The following FOXN3 variants were observed in gnomAD, a reference collection of about 807,000 sequenced individuals.
The protein encoded by FOXN3 is forkhead box N3.
A neutral mutation model predicts 38.4 loss-of-function variants in FOXN3; 7 were observed. That is an observed-to-expected ratio of 0.18 (90% CI 0.10 to 0.34). The LOEUF is 0.34. Ranked by LOEUF, FOXN3 falls within the 10% of genes least tolerant of loss-of-function variation. The pLI is 1.00. For missense variants in FOXN3, 456 were observed against 613.4 expected (o/e 0.74, Z 2.71); for synonymous variants, 230 against 242.2 (o/e 0.95, Z 0.47).
At chr14:89,204,226 T>A (rs1234502261) in intron 4 of FOXN3, among the ~76,000 whole-genome samples, 2 of 152,106 alleles carry the variant, frequency 1.3e-5, no homozygotes, top group Non-Finnish European at 2.9e-5. Context: ...TTGGGATACT[T>A]ATTCTGGCTT....
chr14:89,239,869 T>C (rs1233165389), intron 4 of FOXN3, among the ~76,000 whole-genome samples: 4 of 152,232 alleles, frequency 2.6e-5, no homozygotes, highest in African/African-American at 9.6e-5. Flanking sequence ...ATGAGGAGAC[T>C]GAGACCCAGA....
intron 2 of FOXN3, among the ~76,000 whole-genome samples, chr14:89,362,985 G>T (rs925486772): frequency 6.6e-6 from 1 of 152,110 alleles, no homozygotes; most frequent in Admixed American, 6.5e-5. Context: ...ACAAAGGCAG[G>T]GTCCGTTTCC....
At chr14:89,250,085 G>T (rs929106357) in intron 4 of FOXN3, among the ~76,000 whole-genome samples, 1 of 152,178 alleles carries the variant, frequency 6.6e-6, no homozygotes, top group Admixed American at 6.5e-5. Flanking sequence ...GAACCAATTT[G>T]ACTGAACATG....
intron 2 of FOXN3, among the ~76,000 whole-genome samples, chr14:89,374,255 C>A (rs1449533226): frequency 1.2e-5 from 1 of 83,996 alleles, no homozygotes; most frequent in African/African-American, 5.3e-5. Flanking sequence ...CAGAGTGAGA[C>A]CTTGTCTCAA....
At chr14:89,167,292 TTTTG>T (rs773281390) in intron 5 of FOXN3, among the ~76,000 whole-genome samples, 14 of 152,240 alleles carry the variant, frequency 9.2e-5, no homozygotes, top group South Asian at 2.1e-4. Flanking sequence ...ATCTGCCATT[TTTTG>T]TTTGTTTGTT....
intron 2 of FOXN3, among the ~76,000 whole-genome samples, chr14:89,364,955 G>GA (rs1890094150): frequency 6.6e-6 from 1 of 152,174 alleles, no homozygotes; most frequent in Non-Finnish European, 1.5e-5. Flanking sequence ...ATGGACGCAG[G>GA]AAAAATCAAT....
intron 1 of FOXN3, among the ~76,000 whole-genome samples, chr14:89,446,975 T>C (rs942828030): frequency 1.6e-4 from 24 of 152,160 alleles, no homozygotes; most frequent in Non-Finnish European, 3.2e-4. Context: ...GGCGGGTGGA[T>C]CACCTGAGGT....
intron 1 of FOXN3, among the ~76,000 whole-genome samples, chr14:89,448,283 CCA>C (rs1013734196): frequency 2.0e-5 from 3 of 152,116 alleles, no homozygotes; most frequent in African/African-American, 4.8e-5. Flanking sequence ...CGCCCCACGC[CCA>C]CACACACAGG....
intron 4 of FOXN3, among the ~76,000 whole-genome samples, chr14:89,251,500 C>A (rs1885455160): frequency 6.6e-6 from 1 of 152,160 alleles, no homozygotes; most frequent in Non-Finnish European, 1.5e-5. Flanking sequence ...ATATGTTAAC[C>A]AATCAAGAGC....
chr14:89,604,442 T>C (rs1896228674), intron 1 of FOXN3, among the ~76,000 whole-genome samples: 1 of 152,100 alleles, frequency 6.6e-6, no homozygotes, highest in African/African-American at 2.4e-5. Flanking sequence ...CTAGATCAGA[T>C]AGATTAGACA....
At chr14:89,363,967 T>TATA (rs1555421726) in intron 2 of FOXN3, among the ~76,000 whole-genome samples, 2 of 98,612 alleles carry the variant, frequency 2.0e-5, no homozygotes, top group Non-Finnish European at 4.0e-5. Context: ...TATATATATA[T>TATA]ATATATATAT....
chr14:89,170,857 C>T (rs1019854572), intron 5 of FOXN3, among the ~76,000 whole-genome samples: 2 of 151,714 alleles, frequency 1.3e-5, no homozygotes, highest in Non-Finnish European at 2.9e-5. Flanking sequence ...TATACCAAAA[C>T]CTATAGAATG....
chr14:89,448,909 A>T (rs936824334), intron 1 of FOXN3, among the ~76,000 whole-genome samples: 1 of 151,748 alleles, frequency 6.6e-6, no homozygotes, highest in Non-Finnish European at 1.5e-5. Context: ...GCACCACTGC[A>T]CTCCAGCCTG....
chr14:89,172,728 G>A (rs1319247109), intron 5 of FOXN3, among the ~76,000 whole-genome samples: 1 of 152,138 alleles, frequency 6.6e-6, no homozygotes, highest in East Asian at 1.9e-4. Context: ...ATATATATCA[G>A]AGCTAGCATT....
At chr14:89,445,844 G>A (rs1892480891) in intron 1 of FOXN3, among the ~76,000 whole-genome samples, 1 of 151,906 alleles carries the variant, frequency 6.6e-6, no homozygotes, top group African/African-American at 2.4e-5. Context: ...ACTTTGGGAG[G>A]CCCAGGTGGT....
intron 2 of FOXN3, among the ~76,000 whole-genome samples, chr14:89,393,095 G>A (rs753657076): frequency 3.2e-4 from 48 of 151,392 alleles, no homozygotes; most frequent in Non-Finnish European, 5.7e-4. Context: ...ATGAGCCACC[G>A]TGCCCGGCTT....
intron 2 of FOXN3, among the ~76,000 whole-genome samples, chr14:89,387,573 C>T (rs1410556287): frequency 1.3e-5 from 2 of 152,214 alleles, no homozygotes; most frequent in Non-Finnish European, 2.9e-5. Context: ...TGAAACTCAT[C>T]TGCTCTGCTC....
intron 4 of FOXN3, among the ~76,000 whole-genome samples, chr14:89,256,686 C>T (rs551044976): frequency 1.3e-5 from 2 of 152,152 alleles, no homozygotes; most frequent in Admixed American, 6.5e-5. Flanking sequence ...CTCCCTAATC[C>T]GTGAGAGTTT....
intron 4 of FOXN3, among the ~76,000 whole-genome samples, chr14:89,262,646 T>C (rs1304780115): frequency 6.6e-6 from 1 of 152,244 alleles, no homozygotes; most frequent in African/African-American, 2.4e-5. Flanking sequence ...TGAGATTCCC[T>C]GTGCCCCTGA....
Sources: allele counts gnomAD v4.1 joint callset (sites outside exome capture counted in the v4.1 genomes callset), GRCh38; gene constraint gnomAD v4.1.1; transcripts MANE v1.5; gene names NCBI Gene and HGNC (gene_info 2026-07-23, HGNC 2026-07-21).